Variants in TNFRSF19 observed in about 807,000 individuals in gnomAD.
TNFRSF19 encodes the protein tumor necrosis factor receptor superfamily member 19.
In TNFRSF19, 27 loss-of-function variants were observed where a neutral mutation model predicts 46.4. That is an observed-to-expected ratio of 0.58 (90% CI 0.43 to 0.80). The LOEUF (loss-of-function observed/expected upper bound fraction) is 0.80, where lower values mean the gene tolerates loss of function less well. TNFRSF19 is among the 30% of genes least tolerant of loss of function. The pLI is 0.00. For missense variants in TNFRSF19, 511 were observed against 530.8 expected (o/e 0.96, Z 0.37); for synonymous variants, 204 against 205.0 (o/e 1.00, Z 0.04).
At chr13:23,660,231 C>T (rs1884268696) in intron 6 of TNFRSF19, 134 bp from the exon 7 acceptor site, 3 of 878,158 alleles carry the variant, frequency 3.4e-6, no homozygotes, top group East Asian at 2.6e-5. Flanking sequence ...CATGTTTGTG[C>T]TTCCATGTAA....
intron 1 of TNFRSF19, among the ~76,000 whole-genome samples, chr13:23,588,805 T>G (rs1241339078): frequency 1.3e-5 from 2 of 151,630 alleles, no homozygotes; most frequent in Non-Finnish European, 3.0e-5. Flanking sequence ...GAAAAAAAGT[T>G]ATGACCAAGT....
chr13:23,622,228 C>T (rs892925125), intron 4 of TNFRSF19, among the ~76,000 whole-genome samples: 1 of 151,416 alleles, frequency 6.6e-6, no homozygotes, highest in African/African-American at 2.4e-5. Flanking sequence ...ATAGTGAAAC[C>T]CCGTCTCTAC....
chr13:23,644,352 C>T (rs982692033), intron 5 of TNFRSF19, among the ~76,000 whole-genome samples: 2 of 152,180 alleles, frequency 1.3e-5, no homozygotes, highest in African/African-American at 4.8e-5. Context: ...TTTCCTTCAT[C>T]CCGTTCTCAT....
At chr13:23,632,290 A>G (rs1301252692) in intron 5 of TNFRSF19, among the ~76,000 whole-genome samples, 2 of 152,216 alleles carry the variant, frequency 1.3e-5, no homozygotes, top group Non-Finnish European at 2.9e-5. Context: ...GCTACTATGC[A>G]TTTTAAATGA....
intron 6 of TNFRSF19, among the ~76,000 whole-genome samples, chr13:23,660,058 C>T (rs1884256970): frequency 6.6e-6 from 1 of 152,052 alleles, no homozygotes; most frequent in Admixed American, 6.6e-5. Context: ...AGTTCAAACC[C>T]GTGTTGCTTA....
chr13:23,673,506 C>T lies in TNFRSF19; in HGVS notation c.*126C>T. ...GGGGCAAAAATAAATCTGAACCAAA[C>T]TGACGGCATTTGAAGCCTTTCAGCC... On this transcript the variant is annotated 3_prime_UTR_variant, in exon 10 of 10. Coordinates refer to ENST00000248484, the MANE Select transcript of TNFRSF19 (RefSeq NM_148957.4). 1 of 1,370,428 alleles carries T rather than the reference C, an allele frequency of 7.3e-7. No homozygotes were observed. The highest frequency in any genetic ancestry group is 9.5e-7 in the Non-Finnish European group (1 of 1,049,792). The allele number at this position is 1,370,428 out of a possible 1,614,324, so 84.9% of individuals were successfully genotyped here. A position where few individuals can be genotyped will look rare whatever the true frequency, so the allele number is the denominator to read the frequency against.
chr13:23,611,154 C>CT (rs1313917870), intron 3 of TNFRSF19, among the ~76,000 whole-genome samples: 9 of 141,358 alleles, frequency 6.4e-5, no homozygotes, highest in African/African-American at 2.5e-4. Context: ...ACACACACTC[C>CT]TTCTCTTGCC....
chr13:23,607,449 A>C (rs1337323715), intron 3 of TNFRSF19, among the ~76,000 whole-genome samples: 1 of 152,108 alleles, frequency 6.6e-6, no homozygotes, highest in Non-Finnish European at 1.5e-5. Context: ...AAATAGATAG[A>C]CAGTTTGGAG....
chr13:23,638,944 A>C (rs934100078), intron 5 of TNFRSF19, among the ~76,000 whole-genome samples: 1 of 152,148 alleles, frequency 6.6e-6, no homozygotes, highest in Non-Finnish European at 1.5e-5. Flanking sequence ...TAGAGTGGAA[A>C]ACTCTTCATG....
chr13:23,589,113 T>A (rs1879066624), intron 1 of TNFRSF19, among the ~76,000 whole-genome samples: 1 of 152,042 alleles, frequency 6.6e-6, no homozygotes, highest in African/African-American at 2.4e-5. Flanking sequence ...GATGATCCAC[T>A]TGGGATCTGT....
chr13:23,640,119 T>C (rs778738954), intron 5 of TNFRSF19, among the ~76,000 whole-genome samples: 7 of 152,144 alleles, frequency 4.6e-5, no homozygotes, highest in Non-Finnish European at 1.0e-4. Flanking sequence ...GAAAGGGGTT[T>C]GGCTACCTGA....
intron 5 of TNFRSF19, among the ~76,000 whole-genome samples, chr13:23,643,676 A>G (rs570860970): frequency 2.6e-5 from 4 of 152,358 alleles, no homozygotes; most frequent in Non-Finnish European, 5.9e-5. Context: ...AGGCAGCCAG[A>G]GGAAAACAGA....
chr13:23,642,182 C>T (rs887544295), intron 5 of TNFRSF19, among the ~76,000 whole-genome samples: 3 of 152,256 alleles, frequency 2.0e-5, no homozygotes, highest in African/African-American at 7.2e-5. Context: ...ATTAATTCTC[C>T]TTCTTAACTT....
intron 5 of TNFRSF19, among the ~76,000 whole-genome samples, chr13:23,645,496 C>A (rs533659273): frequency 6.6e-6 from 1 of 152,332 alleles, no homozygotes; most frequent in Admixed American, 6.5e-5. Flanking sequence ...GCCACTGTGC[C>A]TGGCCTGTTG....
intron 1 of TNFRSF19, among the ~76,000 whole-genome samples, chr13:23,581,212 C>T (rs912446787): frequency 9.2e-5 from 14 of 151,694 alleles, no homozygotes; most frequent in African/African-American, 3.4e-4. Flanking sequence ...CAAGCTCCCG[C>T]TCTGCGCACT....
intron 5 of TNFRSF19, among the ~76,000 whole-genome samples, chr13:23,657,937 C>T (rs1368898080): frequency 2.0e-5 from 3 of 152,158 alleles, no homozygotes; most frequent in Non-Finnish European, 4.4e-5. Context: ...GAGTAATCTT[C>T]AGTCGAGGGG....
In TNFRSF19 at chr13:23,660,504, G is replaced by A; in HGVS notation, c.736+14G>A. 1 of 1,610,348 alleles carries A rather than the reference G, an allele frequency of 6.2e-7. No homozygotes were observed. Among genetic ancestry groups the A allele is most frequent in the East Asian group, 2.2e-5 (1 of 44,748 alleles). Reference sequence around the variant, plus strand: ...TGCAGACCTGCGGTAAGTTCAGCAGGGAAGTGCCGTTAGGAGGACTGGAGG... The same window carrying A: ...TGCAGACCTGCGGTAAGTTCAGCAGAGAAGTGCCGTTAGGAGGACTGGAGG... On this transcript the variant is annotated intron_variant, in intron 7 of 9. Transcript: ENST00000248484.
At chr13:23,654,910 T>C (rs954197632) in intron 5 of TNFRSF19, among the ~76,000 whole-genome samples, 6 of 152,198 alleles carry the variant, frequency 3.9e-5, no homozygotes, top group Non-Finnish European at 7.3e-5. Flanking sequence ...CTAGTGTCCA[T>C]GTTTTAGCCA....
Position 23,646,525 on chromosome 13 carries a change from G to A in TNFRSF19, c.446-12525G>A, listed in dbSNP as rs78566098. Among the ~76,000 whole-genome samples the A allele has an allele frequency of 5.7e-3, 870 of 152,158 alleles. 3 individuals carry two copies. The highest frequency in any genetic ancestry group is 8.4e-3 in the Non-Finnish European group (569 of 67,996). ...CAATTCTAGGTATCTCTTGTAAGTG[G>A]AATTATATTAGTATTTGTCCTTTTG... On this transcript the variant is annotated intron_variant, in intron 5 of 9. Transcript: ENST00000248484.
Sources: allele counts gnomAD v4.1 joint callset (sites outside exome capture counted in the v4.1 genomes callset), GRCh38; gene constraint gnomAD v4.1.1; transcripts MANE v1.5; gene names NCBI Gene and HGNC (gene_info 2026-07-23, HGNC 2026-07-21).